The following MNDA variants were observed in gnomAD, a reference collection of about 807,000 sequenced individuals.
The protein encoded by MNDA is epididymis secretory sperm binding protein.
A neutral mutation model predicts 37.8 loss-of-function variants in MNDA; 43 were observed. That is an observed-to-expected ratio of 1.14 (90% CI 0.89 to 1.47). The LOEUF is 1.47. MNDA is among the 40% of genes most tolerant of loss of function. MNDA has a pLI of 0.00. For missense variants in MNDA, 536 were observed against 476.0 expected (o/e 1.13, Z -1.17); for synonymous variants, 181 against 169.0 (o/e 1.07, Z -0.55).
intron 1 of MNDA, among the ~76,000 whole-genome samples, chr1:158,834,327 G>A (rs926531093): frequency 1.3e-5 from 2 of 150,212 alleles, no homozygotes; most frequent in Admixed American, 6.7e-5. Flanking sequence ...CCGCCTCCCG[G>A]GTTCACGCCA....
rs901430777 is a variant in MNDA, at chr1:158,847,777, G to A, written c.1037G>A (p.Gly346Glu). 6 of 1,613,880 alleles carry A rather than the reference G, an allele frequency of 3.7e-6. No homozygotes were observed. In the Admixed American group the frequency reaches 1.0e-4, roughly 27 times the overall value. ...ATTTATGAAATACAGGATAATACAG[G>A]ATCCATGGATGTAGTGGGGAGTGGA... ...NTIYEIQDNT[G>E]SMDVVGSGKW... The change falls in exon 6 of 7, where the codon GGA becomes GAA. Residue 346 changes from glycine (G) to glutamate (E), a missense_variant. Gly to Glu is a moderately conservative substitution (Grantham distance 98). Transcript: ENST00000368141.
chr1:158,832,383 T>C (rs1658821662), intron 1 of MNDA, among the ~76,000 whole-genome samples: 1 of 151,848 alleles, frequency 6.6e-6, no homozygotes, highest in South Asian at 2.1e-4. Context: ...TAAATCTAAA[T>C]CTAAGCTATT....
In MNDA at chr1:158,846,003, G is replaced by C; in HGVS notation, c.987G>C (p.Lys329Asn). The C allele has an allele frequency of 6.3e-7, 1 of 1,581,224 alleles. No individual in the cohort carries two copies. Among genetic ancestry groups the C allele is most frequent in the Non-Finnish European group, 8.6e-7 (1 of 1,165,658 alleles). Residue 329 changes from lysine (K) to asparagine (N), a missense_variant and splice_region_variant, in exon 5 of 7, where the codon AAG (lysine) becomes AAC (asparagine). Coordinates refer to ENST00000368141, the MANE Select transcript of MNDA (RefSeq NM_002432.3). ...TGTATGGGTTGTTTATGTTACAAAA[G>C]GTAAACCCTTAATTTTGTTTTAATT... is the stretch of plus-strand genomic sequence containing the variant. Reference protein sequence around the residue: ...TMVYGLFMLQKKSVHKKNTIY... With the variant: ...TMVYGLFMLQNKSVHKKNTIY...
intron 1 of MNDA, among the ~76,000 whole-genome samples, chr1:158,833,050 C>A (rs1488137864): frequency 6.6e-6 from 1 of 152,120 alleles, no homozygotes; most frequent in Non-Finnish European, 1.5e-5. Context: ...CAAACTCTCA[C>A]ATCTTCTGGT....
chr1:158,846,291 A>G (rs1005550631), intron 5 of MNDA, among the ~76,000 whole-genome samples: 3 of 152,222 alleles, frequency 2.0e-5, no homozygotes, highest in Admixed American at 2.0e-4. Context: ...AACGGGAGCA[A>G]GCTAATAACA....
rs1659088387 is a variant in MNDA, at chr1:158,844,135, T to C, written c.570+13T>C. ...TTCGTTTACTCCGGTACACTCTTCC[T>C]GGTCCTCTTCTCCATTTTTTTTTAA... On this transcript the variant is annotated intron_variant, in intron 4 of 6. Transcript: ENST00000368141. The C allele has an allele frequency of 2.0e-6, 3 of 1,537,806 alleles. No individual in the cohort carries two copies. Among genetic ancestry groups the C allele is most frequent in the South Asian group, 1.2e-5 (1 of 81,598 alleles).
rs1311378203 is a variant in MNDA at position 158,831,750 on chromosome 1, C to CA, written c.-21+200dup. Among the ~76,000 whole-genome samples, 8 of 151,880 alleles carry CA rather than the reference C, an allele frequency of 5.3e-5. No individual in the cohort carries two copies. The East Asian group carries it at 1.2e-3, about 22-fold the overall frequency. On this transcript the variant is annotated intron_variant, in intron 1 of 6. Coordinates refer to ENST00000368141, the MANE Select transcript of MNDA (RefSeq NM_002432.3). ...ATTCTACCACAATTGGGGTATGAACCAAAAAAATGTATTTTGTCTACAGCA... is the reference window on the plus strand; with the variant it reads ...ATTCTACCACAATTGGGGTATGAACCAAAAAAAATGTATTTTGTCTACAGCA...
At chr1:158,839,077 T>G (rs527340133) in intron 1 of MNDA, among the ~76,000 whole-genome samples, 1 of 152,330 alleles carries the variant, frequency 6.6e-6, no homozygotes, top group African/African-American at 2.4e-5. Flanking sequence ...AGGGCTGTGT[T>G]TCTTTAGAGA....
chr1:158,845,621 C>G lies in MNDA; in HGVS notation c.605C>G (p.Ala202Gly), dbSNP rs146915405. ...QETQAQRQVDARRNVPQNDPV... is the reference protein window; with the variant it reads ...QETQAQRQVDGRRNVPQNDPV... ...ACCCAGGCCCAACGGCAGGTGGATGCAAGAAGAAATGTTCCCCAAAACGAC... is the reference window on the plus strand; with the variant it reads ...ACCCAGGCCCAACGGCAGGTGGATGGAAGAAGAAATGTTCCCCAAAACGAC... The change falls in exon 5 of 7, where the codon GCA becomes GGA. Residue 202 changes from alanine (A) to glycine (G), a missense_variant. By Grantham distance (60) the Ala-to-Gly change is moderately conservative (BLOSUM62 0). Coordinates refer to ENST00000368141, the MANE Select transcript of MNDA (RefSeq NM_002432.3). 9.9e-6 allele frequency: 16 copies of G among 1,613,074 alleles called. No homozygotes were observed. The highest frequency in any genetic ancestry group is 1.4e-5 in the Non-Finnish European group (16 of 1,179,488).
chr1:158,836,869 A>G (rs1658925892), intron 1 of MNDA, among the ~76,000 whole-genome samples: 1 of 151,794 alleles, frequency 6.6e-6, no homozygotes, highest in Admixed American at 6.6e-5. Flanking sequence ...TACCCTCATC[A>G]CCATATTCTT....
In MNDA at chr1:158,849,314, T is replaced by A; in HGVS notation, c.*77T>A. 7.7e-7 allele frequency: 1 copy of A among 1,296,908 alleles called. No individual in the cohort carries two copies. Among genetic ancestry groups the A allele is most frequent in the Non-Finnish European group, 1.1e-6 (1 of 906,628 alleles). 80.3% of individuals were successfully genotyped at this position (1,296,908 alleles called of 1,614,324 possible). A position where few individuals can be genotyped will look rare whatever the true frequency, so the allele number is the denominator to read the frequency against. The stretch of plus-strand genomic sequence containing the variant: ...GTTAATAACTGTGATTTTGTAAATT[T>A]CAGTAATTCATTTAAATGATGTTTC... On this transcript the variant is annotated 3_prime_UTR_variant, in exon 7 of 7. Coordinates refer to ENST00000368141, the MANE Select transcript of MNDA (RefSeq NM_002432.3).
rs1659070153 is a variant in MNDA, at chr1:158,843,401, A to G, written c.388A>G (p.Ile130Val). 3 of 1,609,220 alleles carry G rather than the reference A, an allele frequency of 1.9e-6. No individual in the cohort carries two copies. Among genetic ancestry groups the G allele is most frequent in the Non-Finnish European group, 2.5e-6 (3 of 1,177,784 alleles). ...ACTGACATCGGAAGCAAGAGGGAGG[A>G]TTCCTGTAGCTCAGGTAAGCTTGAG... ...NKLTSEARGR[I>V]PVAQKRKTPN... is the part of the protein sequence containing the mutation. The change falls in exon 3 of 7, where the codon ATT (isoleucine) becomes GTT (valine). Residue 130 changes from isoleucine (I) to valine (V), a missense_variant. Coordinates refer to ENST00000368141, the MANE Select transcript of MNDA (RefSeq NM_002432.3).
chr1:158,841,428 T>C (rs1239447885), intron 1 of MNDA, among the ~76,000 whole-genome samples: 1 of 152,166 alleles, frequency 6.6e-6, no homozygotes, highest in Non-Finnish European at 1.5e-5. Context: ...AAAGTAAGAC[T>C]AGTTGGAGGT....
rs576126770 is a variant in MNDA at position 158,832,109 on chromosome 1, AAT to A, written c.-21+554_-21+555del. Among the ~76,000 whole-genome samples the A allele has an allele frequency of 1.4e-3, 215 of 152,280 alleles. 1 individual carries two copies. Among genetic ancestry groups the A allele is most frequent in the Non-Finnish European group, 2.5e-3 (169 of 67,968 alleles). ...TCATTTTACAACAAGTGTAAGAAGA[AAT>A]AATTCTCTTTTTCAAATGGTCTATG... On this transcript the variant is annotated intron_variant, in intron 1 of 6. Transcript: ENST00000368141.
Position 158,844,047 on chromosome 1 carries a change from C to G in MNDA, c.495C>G (p.Ser165Arg), listed in dbSNP as rs1156496876. 6.2e-7 allele frequency: 1 copy of G among 1,613,852 alleles called. No individual in the cohort carries two copies. The highest frequency in any genetic ancestry group is 1.7e-5 in the Admixed American group (1 of 59,968). Residue 165 changes from serine to arginine, a missense_variant, in exon 4 of 7, where the codon AGC becomes AGG. Coordinates refer to ENST00000368141, the MANE Select transcript of MNDA (RefSeq NM_002432.3). ...QSKPPGPSGA[S>R]TSAAVDHPPL... ...AGCCCCCAGGTCCCTCAGGAGCCAGCACATCTGCAGCTGTGGATCATCCCC... is the reference window on the plus strand; with the variant it reads ...AGCCCCCAGGTCCCTCAGGAGCCAGGACATCTGCAGCTGTGGATCATCCCC...
intron 1 of MNDA, among the ~76,000 whole-genome samples, chr1:158,835,248 C>G (rs1171462093): frequency 6.6e-6 from 1 of 152,110 alleles, no homozygotes; most frequent in Non-Finnish European, 1.5e-5. Context: ...TCTTCTAACC[C>G]CTGGACACAG....
chr1:158,832,929 TCTTA>T (rs1658834505), intron 1 of MNDA, among the ~76,000 whole-genome samples: 1 of 152,144 alleles, frequency 6.6e-6, no homozygotes, highest in Admixed American at 6.5e-5. Flanking sequence ...GGTTTTGCCA[TCTTA>T]CTTTGTTTCA....
At chr1:158,847,697 T>C in intron 5 of MNDA, 31 bp from the exon 6 acceptor site, 1 of 1,591,060 alleles carries the variant, frequency 6.3e-7, no homozygotes, top group African/African-American at 1.3e-5. Flanking sequence ...AACAATCCTC[T>C]CAGAAACAGG....
In MNDA at chr1:158,845,642, A is replaced by T; in HGVS notation, c.626A>T (p.Asn209Ile). Residue 209 changes from asparagine (N) to isoleucine (I), a missense_variant, in exon 5 of 7, where the codon AAC (asparagine) becomes ATC (isoleucine). Transcript: ENST00000368141. ...QVDARRNVPQ[N>I]DPVTVVVLKA... ...GATGCAAGAAGAAATGTTCCCCAAA[A>T]CGACCCAGTGACAGTGGTGGTACTG... is the stretch of plus-strand genomic sequence containing the variant. The T allele has an allele frequency of 6.2e-7, 1 of 1,613,946 alleles. No homozygotes were observed. The highest frequency in any genetic ancestry group is 2.2e-5 in the East Asian group (1 of 44,882).
Sources: gnomAD v4.1 joint callset for allele counts (sites outside exome capture counted in the v4.1 genomes callset) on GRCh38, gnomAD v4.1.1 for gene constraint, MANE v1.5 for transcripts, NCBI Gene and HGNC (gene_info 2026-07-23, HGNC 2026-07-21) for gene names.